Variants in AK4 observed in about 807,000 individuals in gnomAD.
AK4 encodes the protein adenylate kinase 4, also known as adenylate kinase 4, mitochondrial.
A neutral mutation model predicts 24.6 loss-of-function variants in AK4; 13 were observed. The ratio of observed to expected loss-of-function variants is 0.53; its 90% confidence interval spans 0.34 to 0.84. The LOEUF (loss-of-function observed/expected upper bound fraction) is 0.84, where lower values mean the gene tolerates loss of function less well. Among genes scored for constraint, AK4 ranks in the 40% least tolerant of loss-of-function variants. The pLI is 0.01. For missense variants in AK4, 192 were observed against 288.2 expected (o/e 0.67, Z 2.42); for synonymous variants, 88 against 107.0 (o/e 0.82, Z 1.10).
intron 1 of AK4, chr1:65,149,160 T>TC (rs1025810748): frequency 6.0e-5 from 9 of 149,544 alleles, no homozygotes; most frequent in East Asian, 2.0e-4. Context: ...CCCCAGCAAC[T>TC]CCCCCCCCTC....
chr1:65,215,653 G>T (rs913122586), intron 2 of AK4, among the ~76,000 whole-genome samples: 5 of 152,212 alleles, frequency 3.3e-5, no homozygotes, highest in Admixed American at 6.5e-5. Context: ...AGGTCTGAAT[G>T]TGAGAGTCCA....
At chr1:65,154,593 G>A (rs956203197) in intron 1 of AK4, 20 of 512,348 alleles carry the variant, frequency 3.9e-5, no homozygotes, top group African/African-American at 2.1e-4. Flanking sequence ...GCCTCAATAC[G>A]TGCTGCCAGT....
At chr1:65,180,944 A>G (rs1650884569) in intron 1 of AK4, among the ~76,000 whole-genome samples, 1 of 152,146 alleles carries the variant, frequency 6.6e-6, no homozygotes, top group Non-Finnish European at 1.5e-5. Flanking sequence ...TGGTCTTACA[A>G]GGGAATTGAG....
intron 2 of AK4, among the ~76,000 whole-genome samples, chr1:65,207,280 G>A (rs1651841016): frequency 6.6e-6 from 1 of 151,994 alleles, no homozygotes; most frequent in Non-Finnish European, 1.5e-5. Context: ...GCAGTGGCAC[G>A]ATCACAGCTC....
At chr1:65,151,232 G>A (rs571401827) in intron 1 of AK4, among the ~76,000 whole-genome samples, 2 of 152,132 alleles carry the variant, frequency 1.3e-5, no homozygotes, top group Admixed American at 6.5e-5. Flanking sequence ...CTCCCAAAGT[G>A]CTGGGATTAC....
intron 2 of AK4, among the ~76,000 whole-genome samples, chr1:65,202,798 A>G (rs11208607): frequency 0.45 from 67,416 of 150,928 alleles, 15,917 homozygotes; most frequent in East Asian, 0.72. Context: ...CATTAACATG[A>G]TAGAAAAAGC....
At chr1:65,147,623 G>C (rs1416523584), upstream of AK4, 2 of 151,988 alleles carry the variant, frequency 1.3e-5, no homozygotes, top group Non-Finnish European at 2.9e-5. Flanking sequence ...CCGCCCTGCA[G>C]GATCCGGGCT....
At chr1:65,204,959 CT>C (rs1346210305) in intron 2 of AK4, among the ~76,000 whole-genome samples, 1 of 152,158 alleles carries the variant, frequency 6.6e-6, no homozygotes, top group Non-Finnish European at 1.5e-5. Context: ...GAAATGTACA[CT>C]TTAAATGAAT....
At chr1:65,214,731 T>C (rs535287102) in intron 2 of AK4, among the ~76,000 whole-genome samples, 6 of 152,322 alleles carry the variant, frequency 3.9e-5, no homozygotes, top group African/African-American at 1.2e-4. Context: ...TAATATACCA[T>C]GCTTGCCTCC....
At chr1:65,182,006 C>T (rs924387807) in intron 1 of AK4, among the ~76,000 whole-genome samples, 1 of 152,100 alleles carries the variant, frequency 6.6e-6, no homozygotes, top group Admixed American at 6.5e-5. Context: ...CCCTGGAACT[C>T]CTGGGCTCAA....
chr1:65,196,732 C>T (rs746622397), intron 2 of AK4, among the ~76,000 whole-genome samples: 3 of 152,134 alleles, frequency 2.0e-5, no homozygotes, highest in Non-Finnish European at 2.9e-5. Flanking sequence ...GCCCAAAGTG[C>T]TGGGATTACA....
At position 65,231,766 on chromosome 1, in the gene AK4, A is replaced by G. The variant is rs577929367; in HGVS notation, c.*5589A>G. Reference sequence around the variant, plus strand: ...GAATTTGTACTACTGATTTTTATATATTCCTGTTTTTGAGATGAACAGATC... The same window carrying G: ...GAATTTGTACTACTGATTTTTATATGTTCCTGTTTTTGAGATGAACAGATC... On this transcript the variant is annotated 3_prime_UTR_variant, in exon 5 of 5. Coordinates refer to ENST00000327299, the MANE Select transcript of AK4 (RefSeq NM_013410.4). The G allele has an allele frequency of 3.3e-5, 5 of 152,220 alleles. No homozygotes were observed. The highest frequency in any genetic ancestry group is 1.2e-4 in the African/African-American group (5 of 41,462). The allele number at this position is 152,220 out of a possible 1,614,324, so 9.4% of individuals were successfully genotyped here. A position where few individuals can be genotyped will look rare whatever the true frequency, so the allele number is the denominator to read the frequency against.
chr1:65,224,591 A>C (rs1652396205), intron 3 of AK4, among the ~76,000 whole-genome samples, 161 bp from the exon 4 acceptor site: 1 of 152,178 alleles, frequency 6.6e-6, no homozygotes, highest in African/African-American at 2.4e-5. Context: ...TAAGTGTGCT[A>C]TTTCTTTTTC....
chr1:65,231,934 T>C lies in AK4; in HGVS notation c.*5757T>C, dbSNP rs527622549. 1 of 152,344 alleles carries C rather than the reference T, an allele frequency of 6.6e-6. No individual in the cohort carries two copies. Among genetic ancestry groups the C allele is most frequent in the African/African-American group, 2.4e-5 (1 of 41,564 alleles). The allele number at this position is 152,344 out of a possible 1,614,324, so 9.4% of individuals were successfully genotyped here. A position where few individuals can be genotyped will look rare whatever the true frequency, so the allele number is the denominator to read the frequency against. On this transcript the variant is annotated 3_prime_UTR_variant, in exon 5 of 5. Transcript: ENST00000327299. ...TCAAGTTTCCCAGAAGTCGTGTGTTTATGATGAGTCAGAGTGCTTTTCCTC... is the reference window on the plus strand; with the variant it reads ...TCAAGTTTCCCAGAAGTCGTGTGTTCATGATGAGTCAGAGTGCTTTTCCTC...
At position 65,231,875 on chromosome 1, in the gene AK4, G is replaced by T. The variant is rs1021854592; in HGVS notation, c.*5698G>T. 2 of 152,112 alleles carry T rather than the reference G, an allele frequency of 1.3e-5. No homozygotes were observed. Among genetic ancestry groups the T allele is most frequent in the Non-Finnish European group, 2.9e-5 (2 of 68,026 alleles). 9.4% of individuals were successfully genotyped at this position (152,112 alleles called of 1,614,324 possible). On this transcript the variant is annotated 3_prime_UTR_variant, in exon 5 of 5. Coordinates refer to ENST00000327299, the MANE Select transcript of AK4 (RefSeq NM_013410.4). The stretch of plus-strand genomic sequence containing the variant: ...CAGTTCTATAACCCAATGACAACCT[G>T]TCTCTTTGGTTTACTGTCCTGTGAA...
chr1:65,154,610 G>A (rs6660869), intron 1 of AK4: 10,934 of 507,820 alleles, frequency 0.022, 565 homozygotes, highest in African/African-American at 0.15. Flanking sequence ...CAGTGTTTCC[G>A]TCAGTACGCG....
chr1:65,204,281 A>C (rs367951101), intron 2 of AK4, among the ~76,000 whole-genome samples: 23 of 151,546 alleles, frequency 1.5e-4, no homozygotes, highest in African/African-American at 4.9e-4. Flanking sequence ...GCTAACTGCA[A>C]CCTCCACCTC....
chr1:65,219,914 G>C (rs10789177), intron 3 of AK4, among the ~76,000 whole-genome samples: 46,528 of 151,758 alleles, frequency 0.31, 8,212 homozygotes, highest in East Asian at 0.69. Context: ...CCTGATTTTC[G>C]CCAAACTTCT....
chr1:65,222,239 G>T (rs1039171545), intron 3 of AK4, among the ~76,000 whole-genome samples: 1 of 152,140 alleles, frequency 6.6e-6, no homozygotes, highest in East Asian at 1.9e-4. Flanking sequence ...GATAGTACAC[G>T]TGGCTGACAA....
Sources: gnomAD v4.1 joint callset for allele counts (sites outside exome capture counted in the v4.1 genomes callset) on GRCh38, gnomAD v4.1.1 for gene constraint, MANE v1.5 for transcripts, NCBI Gene and HGNC (gene_info 2026-07-23, HGNC 2026-07-21) for gene names.